STARD13: variants seen among roughly 807,000 people sequenced by gnomAD.
STARD13 encodes the protein stAR-related lipid transfer protein 13.
A neutral mutation model predicts 106.4 loss-of-function variants in STARD13; 62 were observed. The observed-to-expected ratio is 0.58, with a 90% CI of 0.48 to 0.72. The LOEUF (loss-of-function observed/expected upper bound fraction) is 0.72. Among genes scored for constraint, STARD13 ranks in the 30% least tolerant of loss-of-function variants. The pLI is 0.00. For missense variants in STARD13, 1,387 were observed against 1,424.0 expected (o/e 0.97, Z 0.42); for synonymous variants, 565 against 553.0 (o/e 1.02, Z -0.31).
chr13:33,220,754 T>G (rs2555604), intron 1 of STARD13, among the ~76,000 whole-genome samples: 1 of 152,158 alleles, frequency 6.6e-6, no homozygotes, highest in African/African-American at 2.4e-5. Flanking sequence ...TAGAAAACAG[T>G]TGACTGAAAG....
intron 1 of STARD13, among the ~76,000 whole-genome samples, chr13:33,188,617 T>G (rs1246476373): frequency 2.0e-5 from 3 of 152,232 alleles, no homozygotes; most frequent in African/African-American, 7.2e-5. Flanking sequence ...ACTAAGATAG[T>G]GAAACAGCTT....
chr13:33,128,802 C>A, intron 5 of STARD13, 127 bp downstream of exon 5: 1 of 909,766 alleles, frequency 1.1e-6, no homozygotes, highest in South Asian at 1.7e-5. Context: ...AATTCCTAAT[C>A]ACATACATCA....
At chr13:33,160,365 A>C (rs944657241) in intron 3 of STARD13, among the ~76,000 whole-genome samples, 1 of 152,224 alleles carries the variant, frequency 6.6e-6, no homozygotes, top group Non-Finnish European at 1.5e-5. Flanking sequence ...ACATAGGGTA[A>C]ATAGTTGTGA....
chr13:33,571,750 G>C, the STARD13 span, among the ~76,000 whole-genome samples: 1 of 152,310 alleles, frequency 6.6e-6, no homozygotes, highest in East Asian at 1.9e-4. Flanking sequence ...CTTTGTACCA[G>C]ATGCCTGTCA....
Position 33,305,475 on chromosome 13 carries a change from T to C in STARD13, c.124+44815A>G, listed in dbSNP as rs187281120. Among the ~76,000 whole-genome samples the C allele has an allele frequency of 7.9e-5, 12 of 152,332 alleles. No homozygotes were observed. In the East Asian group the frequency reaches 2.1e-3, roughly 27 times the overall value. ...CTTCTGAATCAAGATTTGTTTATTA[T>C]TAGCAAGTACCTACTATGTGCTATG... On this transcript the variant is annotated intron_variant, in intron 1 of 5. Coordinates refer to the STARD13 transcript ENST00000567873.
chr13:33,244,833 T>C (rs1325056664), intron 1 of STARD13, among the ~76,000 whole-genome samples: 1 of 152,210 alleles, frequency 6.6e-6, no homozygotes, highest in Non-Finnish European at 1.5e-5. Flanking sequence ...ACTCAACAGC[T>C]GAGCCCTGAC....
chr13:33,290,222 C>T (rs1426376200), upstream of STARD13, among the ~76,000 whole-genome samples: 1 of 152,144 alleles, frequency 6.6e-6, no homozygotes, highest in Non-Finnish European at 1.5e-5. Flanking sequence ...TCAGTCTGTT[C>T]AGAGGGAGCC....
intron 1 of STARD13, among the ~76,000 whole-genome samples, chr13:33,189,450 AGCAGGAGGAAAG>A (rs1886076876): frequency 7.5e-6 from 1 of 132,756 alleles, no homozygotes; most frequent in Non-Finnish European, 1.6e-5. Context: ...AAGGAGGGAA[AGCAGGAGGAAAG>A]GGAAGGGACT....
At chr13:33,185,121 C>T (rs1885626404) in intron 1 of STARD13, among the ~76,000 whole-genome samples, 1 of 152,130 alleles carries the variant, frequency 6.6e-6, no homozygotes. Context: ...CAACAGCAGC[C>T]TCCATGTATG....
At chr13:33,313,959 T>C (rs992315253) in intron 1 of STARD13, among the ~76,000 whole-genome samples, 6 of 152,198 alleles carry the variant, frequency 3.9e-5, no homozygotes, top group Admixed American at 3.3e-4. Context: ...TTTCTATAAT[T>C]ATATTTTTGA....
chr13:33,115,143 G>C (rs1875180264), intron 8 of STARD13, among the ~76,000 whole-genome samples: 1 of 152,008 alleles, frequency 6.6e-6, no homozygotes, highest in Admixed American at 6.5e-5. Context: ...CCCTCCTCCA[G>C]ATGGGTAGGA....
the STARD13 span, among the ~76,000 whole-genome samples, chr13:33,387,716 G>T: frequency 6.6e-6 from 1 of 152,224 alleles, no homozygotes; most frequent in South Asian, 2.1e-4. Flanking sequence ...CCTGATGTTA[G>T]TATAACATTT....
At chr13:33,378,815 A>T in the STARD13 span, among the ~76,000 whole-genome samples, 1 of 151,646 alleles carries the variant, frequency 6.6e-6, no homozygotes, top group Non-Finnish European at 1.5e-5. Context: ...AAAAAAAGAA[A>T]AAAAGAAACA....
At chr13:33,133,064 C>T (rs1260383985) in intron 4 of STARD13, among the ~76,000 whole-genome samples, 1 of 148,704 alleles carries the variant, frequency 6.7e-6, no homozygotes, top group Non-Finnish European at 1.5e-5. Flanking sequence ...TTTGAGAAGA[C>T]AAAAAAAAAG....
the STARD13 span, among the ~76,000 whole-genome samples, chr13:33,574,877 C>A: frequency 6.6e-6 from 1 of 150,486 alleles, no homozygotes; most frequent in Admixed American, 6.6e-5. Context: ...TACTCTCAAC[C>A]TAAAATCAGT....
At chr13:33,157,017 A>C (rs1882059358) in intron 3 of STARD13, among the ~76,000 whole-genome samples, 1 of 152,222 alleles carries the variant, frequency 6.6e-6, no homozygotes. Flanking sequence ...TGTGATAAAT[A>C]TTCTAAAAGG....
chr13:33,584,455 A>G, the STARD13 span, among the ~76,000 whole-genome samples: 4 of 151,826 alleles, frequency 2.6e-5, no homozygotes, highest in African/African-American at 9.7e-5. Flanking sequence ...GACAGCATCA[A>G]GGGGATGGTG....
At chr13:33,243,060 C>T (rs1442708578) in intron 1 of STARD13, among the ~76,000 whole-genome samples, 1 of 152,186 alleles carries the variant, frequency 6.6e-6, no homozygotes, top group Non-Finnish European at 1.5e-5. Flanking sequence ...GATGTGGCTA[C>T]AGGAATTCCT....
the STARD13 span, among the ~76,000 whole-genome samples, chr13:33,411,256 A>G: frequency 3.3e-5 from 5 of 152,194 alleles, no homozygotes; most frequent in Non-Finnish European, 5.9e-5. Context: ...ATTCTCCATA[A>G]TAAAAGGCGT....
Sources: gnomAD v4.1 joint callset for allele counts (sites outside exome capture counted in the v4.1 genomes callset) on GRCh38, gnomAD v4.1.1 for gene constraint, MANE v1.5 for transcripts, NCBI Gene and HGNC (gene_info 2026-07-23, HGNC 2026-07-21) for gene names.